The following MAP3K15 variants were observed in gnomAD, a reference collection of about 807,000 sequenced individuals.
MAP3K15 encodes mitogen-activated protein kinase kinase kinase 15.
In MAP3K15, 124 loss-of-function variants were observed where a neutral mutation model predicts 99.5. The observed-to-expected ratio is 1.25, with a 90% confidence interval of 1.08 to 1.45. The LOEUF is 1.45. MAP3K15 is among the 40% of genes most tolerant of loss of function. MAP3K15 has a pLI of 0.00. For synonymous variants in MAP3K15, 494 were observed against 439.6 expected, an observed-to-expected ratio of 1.12 and a Z score of -1.55; for missense variants, 1,242 against 1,079.7, an observed-to-expected ratio of 1.15 and a Z score of -2.11.
chrX:19,408,510 A>T, intron 12 of MAP3K15: 1 of 176,423 alleles, frequency 5.7e-6, no homozygotes, highest in South Asian at 8.0e-5. Context: ...AAAATCAGCC[A>T]GGCATTGTGC....
In MAP3K15 at chrX:19,382,289, C is replaced by CTA. The variant is rs1229397662; in HGVS notation, c.2432-2014_2432-2013dup. Among the ~76,000 whole-genome samples the CTA allele has an allele frequency of 7.6e-5, 8 of 105,221 alleles. No individual in the cohort carries two copies. The Admixed American group carries it at 8.2e-4, about 11-fold the overall frequency. 91.4% of individuals were successfully genotyped at this position (105,221 alleles called of 115,157 possible). ...AAAAGGAAAGCAAAGGGCGCACTGG[C>CTA]TATAAAGAAAGTTTGGAGAAACTAC... On this transcript the variant is annotated intron_variant, in intron 18 of 28. Transcript: ENST00000338883.
At chrX:19,370,812 G>T in intron 24 of MAP3K15, 147 bp downstream of exon 24, 1 of 482,634 alleles carries the variant, frequency 2.1e-6, no homozygotes, top group Non-Finnish European at 3.6e-6. Flanking sequence ...AATCAGCCCC[G>T]GAAGAAGTCT....
intron 1 of MAP3K15, chrX:19,497,233 C>T (rs746097948): frequency 1.9e-5 from 2 of 106,725 alleles, no homozygotes; most frequent in South Asian, 4.3e-4. Context: ...ATGATCTCGG[C>T]TCACTGCAAC....
chrX:19,383,875 A>T, intron 18 of MAP3K15, among the ~76,000 whole-genome samples: 1 of 111,972 alleles, frequency 8.9e-6, no homozygotes, highest in Non-Finnish European at 1.9e-5. Flanking sequence ...GAACCCTCAT[A>T]CACTGTTGGT....
intron 6 of MAP3K15, among the ~76,000 whole-genome samples, chrX:19,431,962 T>A (rs35491066): frequency 0.059 from 5,543 of 94,347 alleles, 222 homozygotes; most frequent in Non-Finnish European, 0.085. Flanking sequence ...TTTTTTTTTT[T>A]AAAAAGACAG....
At chrX:19,405,863 C>T (rs770364520) in intron 13 of MAP3K15, among the ~76,000 whole-genome samples, 2 of 112,272 alleles carry the variant, frequency 1.8e-5, no homozygotes, top group African/African-American at 3.2e-5. Flanking sequence ...TATGGAAATT[C>T]TTTGTATTGT....
intron 1 of MAP3K15, among the ~76,000 whole-genome samples, chrX:19,504,974 G>A (rs1021454411): frequency 4.2e-4 from 38 of 89,786 alleles, no homozygotes; most frequent in Non-Finnish European, 6.2e-4. Flanking sequence ...AAAAAAAAAA[G>A]CCCAGAAACA....
chrX:19,453,473 C>G (rs1233054615), intron 6 of MAP3K15, among the ~76,000 whole-genome samples: 1 of 106,918 alleles, frequency 9.4e-6, no homozygotes, highest in African/African-American at 3.4e-5. Context: ...GCACTCCAGC[C>G]TGGGCGACAG....
In MAP3K15 at chrX:19,490,673, T is replaced by C. The variant is rs1375587363; in HGVS notation, c.362-1706A>G. On this transcript the variant is annotated intron_variant, in intron 1 of 28. Coordinates refer to ENST00000338883, the MANE Select transcript of MAP3K15 (RefSeq NM_001001671.4). ...CTAAGGTGGGTGGATGGCTGGAGAC[T>C]GGGAGGTCGAGGTTGCAGTGAGCTG... 4.6e-5 allele frequency among the ~76,000 whole-genome samples: 5 copies of C among 108,838 alleles called. No individual in the cohort carries two copies. The East Asian group carries it at 1.4e-3, about 31-fold the overall frequency. 94.5% of individuals were successfully genotyped at this position (108,838 alleles called of 115,157 possible).
chrX:19,507,309 C>T (rs571803661), intron 1 of MAP3K15, among the ~76,000 whole-genome samples: 2 of 110,649 alleles, frequency 1.8e-5, no homozygotes, highest in South Asian at 3.8e-4. Context: ...AAGTATGAGA[C>T]GAAGTCACAC....
At chrX:19,423,373 T>C (rs1303254945) in intron 9 of MAP3K15, among the ~76,000 whole-genome samples, 3 of 99,925 alleles carry the variant, frequency 3.0e-5, no homozygotes, top group Admixed American at 2.2e-4. Flanking sequence ...AAACTCACTG[T>C]CTTTTATTTT....
In MAP3K15 at chrX:19,380,404, T is replaced by G; in HGVS notation, c.2432-127A>C. 6.1e-6 allele frequency: 4 copies of G among 657,244 alleles called. No homozygotes were observed. In the South Asian group the frequency reaches 1.1e-4, roughly 18 times the overall value. 54.2% of individuals were successfully genotyped at this position (657,244 alleles called of 1,213,427 possible). ...TGAGCCCAGGTGTTGGAGACCAGCC[T>G]GGACAATGTAACAAGACCTTGTCTC... On this transcript the variant is annotated intron_variant, in intron 18 of 28. Transcript: ENST00000338883.
chrX:19,377,423 A>C (rs779582195), intron 19 of MAP3K15, among the ~76,000 whole-genome samples: 7 of 111,228 alleles, frequency 6.3e-5, no homozygotes, highest in Non-Finnish European at 1.1e-4. Flanking sequence ...CCATGCCTAC[A>C]ATCCCAGCTA....
intron 13 of MAP3K15, 23 bp downstream of exon 13, chrX:19,407,165 T>C: frequency 2.0e-6 from 2 of 997,244 alleles, no homozygotes; most frequent in African/African-American, 2.0e-5. Flanking sequence ...ACATTGCAAA[T>C]ACCTGAATTG....
At chrX:19,393,382 G>A (rs982533686) in intron 16 of MAP3K15, among the ~76,000 whole-genome samples, 1 of 112,320 alleles carries the variant, frequency 8.9e-6, no homozygotes, top group African/African-American at 3.2e-5. Context: ...TGTAATCCCA[G>A]CACTTTGGGA....
chrX:19,432,004 A>AGACAGGTGCAAGGATGCTGTAC (rs1359177776), intron 6 of MAP3K15, among the ~76,000 whole-genome samples: 1 of 107,351 alleles, frequency 9.3e-6, no homozygotes, highest in South Asian at 4.3e-4. Context: ...TCATGCTGAA[A>AGACAGGTGCAAGGATGCTGTAC]GACAGGTGCA....
At chrX:19,362,971 C>CTT in intron 25 of MAP3K15, 121 bp from the exon 26 acceptor site, 1 of 422,089 alleles carries the variant, frequency 2.4e-6, no homozygotes, top group Non-Finnish European at 4.1e-6. Flanking sequence ...TGGGACAAGT[C>CTT]TAAGAGTCAG....
intron 4 of MAP3K15, among the ~76,000 whole-genome samples, chrX:19,462,776 C>T (rs1013623471): frequency 1.8e-5 from 2 of 111,803 alleles, no homozygotes; most frequent in African/African-American, 3.3e-5. Context: ...TCAGAGCTGG[C>T]GCTTGAGCTC....
chrX:19,515,106 C>T lies in MAP3K15; in HGVS notation c.156G>A (p.Glu52=). The T allele has an allele frequency of 1.2e-6, 1 of 842,182 alleles. No homozygotes were observed. Among genetic ancestry groups the T allele is most frequent in the Non-Finnish European group, 1.5e-6 (1 of 667,672 alleles). 69.4% of individuals were successfully genotyped at this position (842,182 alleles called of 1,213,427 possible). The change falls in exon 1 of 29, where the codon GAG becomes GAA. Residue 52 remains glutamate (E), a synonymous_variant. Coordinates refer to ENST00000338883, the MANE Select transcript of MAP3K15 (RefSeq NM_001001671.4). The part of the protein sequence containing the change: ...EGAAGGSGEG[E]SGGGPRRALR... Reference sequence around the variant, plus strand: ...GAGCCCGCCGCGGCCCGCCCCCACTCTCGCCCTCGCCGCTGCCGCCTGCCG... The same window carrying T: ...GAGCCCGCCGCGGCCCGCCCCCACTTTCGCCCTCGCCGCTGCCGCCTGCCG...
Sources: allele counts gnomAD v4.1 joint callset (sites outside exome capture counted in the v4.1 genomes callset), GRCh38; gene constraint gnomAD v4.1.1; transcripts MANE v1.5; gene names NCBI Gene and HGNC (gene_info 2026-07-23, HGNC 2026-07-21).